The following SAMD12 variants were observed in gnomAD, a reference collection of about 807,000 sequenced individuals.
SAMD12 encodes sterile alpha motif domain-containing protein 12.
A neutral mutation model predicts 15.0 loss-of-function variants in SAMD12; 9 were observed. The observed-to-expected ratio is 0.60, with a 90% confidence interval of 0.36 to 1.05. The LOEUF (loss-of-function observed/expected upper bound fraction) is 1.05. Ranked by LOEUF, SAMD12 falls within the 50% of genes least tolerant of loss-of-function variation. SAMD12 has a pLI of 0.01. For missense variants in SAMD12, 230 were observed against 234.2 expected (o/e 0.98, Z 0.12); for synonymous variants, 86 against 90.1 (o/e 0.96, Z 0.25).
intron 1 of SAMD12, among the ~76,000 whole-genome samples, chr8:118,613,666 G>C (rs145604204): frequency 3.0e-3 from 457 of 152,128 alleles, no homozygotes; most frequent in Non-Finnish European, 5.1e-3. Flanking sequence ...TGGTTATTTG[G>C]CTTAACTCAG....
intron 4 of SAMD12, among the ~76,000 whole-genome samples, chr8:118,227,109 T>G (rs902342313): frequency 6.6e-6 from 1 of 152,130 alleles, no homozygotes; most frequent in African/African-American, 2.4e-5. Context: ...AGACATGGAA[T>G]CAACCTAAAT....
At chr8:118,436,752 T>G (rs1465916008) in intron 3 of SAMD12, among the ~76,000 whole-genome samples, 2 of 152,218 alleles carry the variant, frequency 1.3e-5, no homozygotes, top group Non-Finnish European at 2.9e-5. Flanking sequence ...CCCAGGATAA[T>G]AAAGCTGGAT....
At chr8:118,405,286 C>T (rs1267810910) in intron 3 of SAMD12, among the ~76,000 whole-genome samples, 1 of 152,030 alleles carries the variant, frequency 6.6e-6, no homozygotes, top group Non-Finnish European at 1.5e-5. Flanking sequence ...TTCATGACAG[C>T]TTTACTGGAA....
intron 2 of SAMD12, among the ~76,000 whole-genome samples, chr8:118,578,990 T>TA (rs1424165178): frequency 1.3e-5 from 2 of 152,178 alleles, no homozygotes; most frequent in Admixed American, 6.6e-5. Context: ...CTCATTGAAG[T>TA]ATGTTTTCAG....
intron 4 of SAMD12, among the ~76,000 whole-genome samples, chr8:118,314,946 A>G (rs1815815743): frequency 6.6e-6 from 1 of 152,238 alleles, no homozygotes; most frequent in Non-Finnish European, 1.5e-5. Context: ...CGTTCTTTTT[A>G]AAGAAAAGAA....
chr8:118,399,501 C>T (rs1013067843), intron 3 of SAMD12, among the ~76,000 whole-genome samples: 2 of 152,070 alleles, frequency 1.3e-5, no homozygotes, highest in African/African-American at 4.8e-5. Context: ...CTGCATCCAA[C>T]GACTGGTAGA....
chr8:118,400,723 A>G (rs1820828645), intron 3 of SAMD12: 2 of 152,192 alleles, frequency 1.3e-5, no homozygotes, highest in South Asian at 4.1e-4. Flanking sequence ...TTCAGCTACA[A>G]CAATCTGTAA....
intron 3 of SAMD12, among the ~76,000 whole-genome samples, chr8:118,389,229 T>C (rs1312410852): frequency 6.6e-6 from 1 of 152,238 alleles, no homozygotes. Flanking sequence ...TAGAATTTCT[T>C]ACAAATTATT....
In SAMD12 at chr8:118,201,346, C is replaced by T. The variant is rs181935033; in HGVS notation, c.434-3614G>A. ...CTCTAGCATTAGTGAACACCAACCC[C>T]GCCCTCTTTCACAACCACCTAGAGC... On this transcript the variant is annotated intron_variant, in intron 4 of 4. Coordinates refer to the SAMD12 transcript ENST00000409003. Among the ~76,000 whole-genome samples, 14 of 152,234 alleles carry T rather than the reference C, an allele frequency of 9.2e-5. No homozygotes were observed. In the South Asian group the frequency reaches 1.7e-3, roughly 18 times the overall value.
At position 118,321,556 on chromosome 8, in the gene SAMD12, T is replaced by C. The variant is rs964415219; in HGVS notation, c.433+58004A>G. On this transcript the variant is annotated intron_variant, in intron 4 of 4. Coordinates refer to the SAMD12 transcript ENST00000409003. ...TTGAACCTAGGAGATGGAAGTTGCA[T>C]TGAGCCAAGATCACACCACTGCACT... Among the ~76,000 whole-genome samples the C allele has an allele frequency of 4.6e-5, 7 of 151,992 alleles. No individual in the cohort carries two copies. The East Asian group carries it at 9.7e-4, about 21-fold the overall frequency.
chr8:118,301,047 A>G (rs1563745826), intron 4 of SAMD12, among the ~76,000 whole-genome samples: 1 of 152,234 alleles, frequency 6.6e-6, no homozygotes, highest in Non-Finnish European at 1.5e-5. Context: ...TAGTTGAACC[A>G]TTTGCAGAAA....
chr8:118,558,060 A>G (rs576058265), intron 2 of SAMD12, among the ~76,000 whole-genome samples: 18 of 152,288 alleles, frequency 1.2e-4, no homozygotes, highest in East Asian at 7.7e-4. Flanking sequence ...TATTTTTGCC[A>G]TTACAAATAA....
At position 118,415,906 on chromosome 8, in the gene SAMD12, C is replaced by A. The variant is rs554122237; in HGVS notation, c.322+23926G>T. Among the ~76,000 whole-genome samples the A allele has an allele frequency of 2.0e-5, 3 of 152,272 alleles. No homozygotes were observed. The South Asian group carries it at 6.2e-4, about 32-fold the overall frequency. On this transcript the variant is annotated intron_variant, in intron 3 of 3. Coordinates refer to ENST00000314727, the MANE Select transcript of SAMD12 (RefSeq NM_207506.3). ...TCAACAGACTAATAGAGCCTGAGGC[C>A]TCAGATGATGACTCATATGGATCTT...
downstream of SAMD12, among the ~76,000 whole-genome samples, chr8:118,377,736 A>G (rs553199840): frequency 6.6e-6 from 1 of 152,300 alleles, no homozygotes; most frequent in South Asian, 2.1e-4. Context: ...GCAGGCTGAC[A>G]TTAGTAGAGG....
intron 4 of SAMD12, among the ~76,000 whole-genome samples, chr8:118,343,088 T>C (rs1426737185): frequency 6.6e-6 from 1 of 151,984 alleles, no homozygotes; most frequent in African/African-American, 2.4e-5. Flanking sequence ...TCCTCATCTG[T>C]AAGATGAGAA....
chr8:118,346,126 T>A (rs1474664253), intron 4 of SAMD12, among the ~76,000 whole-genome samples: 1 of 152,234 alleles, frequency 6.6e-6, no homozygotes, highest in Non-Finnish European at 1.5e-5. Context: ...CCAAAAGCCA[T>A]ATAATCCCTT....
chr8:118,546,964 T>C (rs1181069687), intron 2 of SAMD12, among the ~76,000 whole-genome samples: 5 of 152,212 alleles, frequency 3.3e-5, no homozygotes, highest in African/African-American at 1.2e-4. Context: ...CTGAAAACCA[T>C]TTTTCTTTTC....
At chr8:118,201,319 C>T (rs888163026) in intron 4 of SAMD12, among the ~76,000 whole-genome samples, 1 of 152,078 alleles carries the variant, frequency 6.6e-6, no homozygotes, top group African/African-American at 2.4e-5. Flanking sequence ...TCTTTATATA[C>T]CCTCTAGCAT....
intron 3 of SAMD12, among the ~76,000 whole-genome samples, chr8:118,423,364 T>G (rs151093735): frequency 3.2e-4 from 49 of 152,168 alleles, no homozygotes; most frequent in Non-Finnish European, 6.3e-4. Context: ...TCTGAGGCCC[T>G]GAAGTGGTGA....
Sources: gnomAD v4.1 joint callset for allele counts (sites outside exome capture counted in the v4.1 genomes callset) on GRCh38, gnomAD v4.1.1 for gene constraint, MANE v1.5 for transcripts, NCBI Gene and HGNC (gene_info 2026-07-23, HGNC 2026-07-21) for gene names.